CERT1: variants seen among roughly 807,000 people sequenced by gnomAD.
CERT1 encodes ceramide transporter 1.
CERT1 carries 31 observed loss-of-function variants against 87.9 expected under a neutral mutation model. The ratio of observed to expected loss-of-function variants is 0.35; its 90% confidence interval spans 0.27 to 0.48. The LOEUF is 0.48. Ranked by LOEUF, CERT1 falls within the 20% of genes least tolerant of loss-of-function variation. The pLI is 0.99. For missense variants in CERT1, 487 were observed against 758.0 expected (o/e 0.64, Z 4.20); for synonymous variants, 289 against 250.9 (o/e 1.15, Z -1.44).
chr5:75,429,224 G>C (rs551785401), intron 3 of CERT1, among the ~76,000 whole-genome samples: 4 of 150,104 alleles, frequency 2.7e-5, no homozygotes, highest in Admixed American at 2.7e-4. Flanking sequence ...TTTTGAGACA[G>C]AGTCTCACTG....
intron 2 of CERT1, among the ~76,000 whole-genome samples, chr5:75,504,164 G>C (rs1169890623): frequency 6.6e-6 from 1 of 151,862 alleles, no homozygotes; most frequent in East Asian, 1.9e-4. Context: ...GGAGGATCAA[G>C]GAAAAACACT....
intron 7 of CERT1, 87 bp downstream of exon 7, chr5:75,416,789 C>T: frequency 8.5e-7 from 1 of 1,180,812 alleles, no homozygotes; most frequent in Non-Finnish European, 1.2e-6. Flanking sequence ...AAGATTCTTC[C>T]CTAAGAAGTT....
intron 7 of CERT1, among the ~76,000 whole-genome samples, chr5:75,415,983 T>C (rs1763117928): frequency 6.6e-6 from 1 of 152,186 alleles, no homozygotes; most frequent in African/African-American, 2.4e-5. Context: ...AACAGCTCTC[T>C]TTTCTTCTAA....
chr5:75,459,943 CAG>C (rs1345435399), intron 2 of CERT1, among the ~76,000 whole-genome samples: 3 of 118,350 alleles, frequency 2.5e-5, no homozygotes, highest in African/African-American at 1.0e-4. Flanking sequence ...GCCTGGGTGA[CAG>C]AGTGAGTCCT....
chr5:75,461,164 G>A (rs950142062), intron 2 of CERT1, among the ~76,000 whole-genome samples: 2 of 152,120 alleles, frequency 1.3e-5, no homozygotes, highest in African/African-American at 2.4e-5. Flanking sequence ...TCACAAACCC[G>A]TGCCAGTCCA....
intron 2 of CERT1, among the ~76,000 whole-genome samples, chr5:75,476,228 T>G (rs937147152): frequency 2.6e-5 from 4 of 152,112 alleles, no homozygotes; most frequent in Non-Finnish European, 5.9e-5. Context: ...AAATGGTAAG[T>G]TAAAGAGGTT....
intron 7 of CERT1, among the ~76,000 whole-genome samples, chr5:75,416,000 G>A (rs918305419): frequency 3.3e-5 from 5 of 152,044 alleles, no homozygotes; most frequent in Non-Finnish European, 7.4e-5. Flanking sequence ...CTAAAACATG[G>A]GAACCTTCCT....
intron 7 of CERT1, among the ~76,000 whole-genome samples, chr5:75,415,304 A>G (rs1481947139): frequency 1.3e-5 from 2 of 152,224 alleles, no homozygotes; most frequent in Admixed American, 1.3e-4. Context: ...AGAAGACTAT[A>G]AAACACAGTA....
intron 3 of CERT1, among the ~76,000 whole-genome samples, chr5:75,430,027 A>G (rs200788522): frequency 6.7e-5 from 10 of 148,436 alleles, no homozygotes; most frequent in African/African-American, 2.5e-4. Context: ...GTCAAAATGG[A>G]AAAAAAAAAG....
intron 8 of CERT1, among the ~76,000 whole-genome samples, chr5:75,409,915 C>T (rs1471359369): frequency 6.6e-6 from 1 of 151,506 alleles, no homozygotes; most frequent in Admixed American, 6.6e-5. Flanking sequence ...TCACTGCAGT[C>T]TTGGGCTCCT....
At chr5:75,498,979 T>C (rs1216863072) in intron 2 of CERT1, among the ~76,000 whole-genome samples, 1 of 152,206 alleles carries the variant, frequency 6.6e-6, no homozygotes, top group Admixed American at 6.5e-5. Flanking sequence ...CCCAAGGTGG[T>C]GGGAGCCCAC....
At chr5:75,388,069 G>A (rs575549761) in intron 12 of CERT1, among the ~76,000 whole-genome samples, 36 of 152,274 alleles carry the variant, frequency 2.4e-4, no homozygotes, top group African/African-American at 7.9e-4. Flanking sequence ...TTTCTTCCGC[G>A]AAGAGCATAC....
intron 11 of CERT1, among the ~76,000 whole-genome samples, chr5:75,397,339 C>A (rs920568101): frequency 1.3e-5 from 2 of 152,166 alleles, no homozygotes; most frequent in African/African-American, 4.8e-5. Flanking sequence ...AGCAAGATTT[C>A]TCTCAAGTTA....
intron 3 of CERT1, among the ~76,000 whole-genome samples, chr5:75,426,779 A>T (rs1030811332): frequency 3.9e-5 from 6 of 152,212 alleles, no homozygotes; most frequent in Non-Finnish European, 8.8e-5. Flanking sequence ...AGGGGCAGGG[A>T]AAAGAAGAAT....
intron 3 of CERT1, among the ~76,000 whole-genome samples, chr5:75,450,286 T>G (rs760116882): frequency 6.6e-6 from 1 of 152,016 alleles, no homozygotes; most frequent in Non-Finnish European, 1.5e-5. Flanking sequence ...CTCATTATAC[T>G]CTCCTTCCTT....
chr5:75,447,651 C>T (rs1015933864), intron 3 of CERT1, among the ~76,000 whole-genome samples: 6 of 151,162 alleles, frequency 4.0e-5, no homozygotes, highest in Non-Finnish European at 5.9e-5. Flanking sequence ...TTTTTTTGTA[C>T]TTTTAGTAGA....
chr5:75,457,926 G>GGT (rs1234118888), intron 3 of CERT1, among the ~76,000 whole-genome samples: 29 of 146,210 alleles, frequency 2.0e-4, no homozygotes, highest in South Asian at 4.5e-4. Context: ...GTGTGTGTGT[G>GGT]GTGTGTGTGT....
intron 7 of CERT1, among the ~76,000 whole-genome samples, chr5:75,415,057 C>A (rs1293878787): frequency 1.3e-5 from 2 of 152,036 alleles, no homozygotes; most frequent in African/African-American, 4.8e-5. Flanking sequence ...CACACACACA[C>A]TCTACATACA....
At chr5:75,505,944 A>C in intron 2 of CERT1, 38 bp downstream of exon 2, 1 of 1,559,442 alleles carries the variant, frequency 6.4e-7, no homozygotes, top group Non-Finnish European at 8.8e-7. Flanking sequence ...GCTGACACTC[A>C]ATAAATATTT....
Sources: gnomAD v4.1 joint callset for allele counts (sites outside exome capture counted in the v4.1 genomes callset) on GRCh38, gnomAD v4.1.1 for gene constraint, MANE v1.5 for transcripts, NCBI Gene and HGNC (gene_info 2026-07-23, HGNC 2026-07-21) for gene names.